The following PPARGC1A variants were observed in gnomAD, a reference collection of about 807,000 sequenced individuals.
PPARGC1A encodes PPARG coactivator 1 alpha, also known as peroxisome proliferator-activated receptor gamma coactivator 1-alpha.
Under a neutral mutation model 88.7 loss-of-function variants are expected in PPARGC1A, and 25 were observed. The observed-to-expected ratio is 0.28, with a 90% CI of 0.21 to 0.39. The LOEUF is 0.39. PPARGC1A is among the 10% of genes least tolerant of loss of function. The probability of loss-of-function intolerance (pLI) is 1.00; values close to 1 mark genes in which losing one functional copy is unlikely to be tolerated. For synonymous variants in PPARGC1A, 363 were observed against 355.6 expected, an observed-to-expected ratio of 1.02 and a Z score of -0.24; for missense variants, 880 against 968.7, an observed-to-expected ratio of 0.91 and a Z score of 1.22.
the PPARGC1A span, among the ~76,000 whole-genome samples, chr4:23,928,034 C>A: frequency 3.9e-5 from 6 of 152,076 alleles, no homozygotes; most frequent in African/African-American, 1.4e-4. Context: ...AGGGCCTGGG[C>A]AGCAGCTAGT....
At chr4:23,859,523 T>G (rs1229365342) in intron 2 of PPARGC1A, among the ~76,000 whole-genome samples, 2 of 152,180 alleles carry the variant, frequency 1.3e-5, no homozygotes, top group Non-Finnish European at 2.9e-5. Flanking sequence ...GGCTCACGCC[T>G]GTAATCCCAG....
chr4:24,443,789 C>T, the PPARGC1A span, among the ~76,000 whole-genome samples: 5 of 149,860 alleles, frequency 3.3e-5, no homozygotes, highest in African/African-American at 1.2e-4. Flanking sequence ...CTCCTGACCT[C>T]GTGATCCGCC....
At chr4:24,419,857 A>G in the PPARGC1A span, among the ~76,000 whole-genome samples, 3 of 152,226 alleles carry the variant, frequency 2.0e-5, no homozygotes, top group African/African-American at 7.2e-5. Context: ...TTTCATGTCC[A>G]AATGCATCCT....
chr4:23,808,844 C>G (rs1342397222), intron 10 of PPARGC1A, among the ~76,000 whole-genome samples: 2 of 152,100 alleles, frequency 1.3e-5, no homozygotes, highest in Admixed American at 1.3e-4. Flanking sequence ...GTTTATAGAT[C>G]TCCTAAAACA....
the PPARGC1A span, among the ~76,000 whole-genome samples, chr4:24,038,507 A>T: frequency 6.6e-6 from 1 of 152,182 alleles, no homozygotes; most frequent in Non-Finnish European, 1.5e-5. Flanking sequence ...TCCTGAGTCT[A>T]ACCCTCCAAG....
the PPARGC1A span, among the ~76,000 whole-genome samples, chr4:24,429,104 C>G: frequency 6.6e-6 from 1 of 152,168 alleles, no homozygotes; most frequent in Non-Finnish European, 1.5e-5. Flanking sequence ...CTGGCCTGAG[C>G]AGGCACTGGG....
rs1717411703 is a variant in PPARGC1A, at chr4:23,795,457, C to T, written c.*365G>A. 1 of 174,046 alleles carries T rather than the reference C, an allele frequency of 5.7e-6. No individual in the cohort carries two copies. The highest frequency in any genetic ancestry group is 1.2e-5 in the Non-Finnish European group (1 of 83,438). 10.8% of individuals were successfully genotyped at this position (174,046 alleles called of 1,614,324 possible). A position where few individuals can be genotyped will look rare whatever the true frequency, so the allele number is the denominator to read the frequency against. On this transcript the variant is annotated 3_prime_UTR_variant, in exon 13 of 13. Transcript: ENST00000264867. ...CAGGTGCCCCCAGTCCTCACATGTA[C>T]CCACACATACTTCCCCTAAACCAAG...
chr4:24,177,619 T>TAAAA, the PPARGC1A span, among the ~76,000 whole-genome samples: 1,231 of 124,928 alleles, frequency 9.9e-3, 32 homozygotes, highest in African/African-American at 0.035. Context: ...TCAAGTATAA[T>TAAAA]TAAATAAATA....
At chr4:23,873,280 G>A (rs1386285807) in intron 2 of PPARGC1A, among the ~76,000 whole-genome samples, 3 of 151,316 alleles carry the variant, frequency 2.0e-5, no homozygotes, top group African/African-American at 7.3e-5. Flanking sequence ...AAAGAAAAGT[G>A]TTGGTAATAA....
the PPARGC1A span, among the ~76,000 whole-genome samples, chr4:23,977,227 C>T: frequency 2.0e-5 from 3 of 152,144 alleles, no homozygotes; most frequent in Admixed American, 2.0e-4. Context: ...GAAGAGTTCA[C>T]CTCTCTCCGG....
chr4:23,843,943 C>T (rs1161606235), intron 2 of PPARGC1A, among the ~76,000 whole-genome samples: 1 of 151,856 alleles, frequency 6.6e-6, no homozygotes, highest in African/African-American at 2.4e-5. Flanking sequence ...CATAAGTATA[C>T]ATATATACAT....
chr4:23,916,955 C>T, the PPARGC1A span, among the ~76,000 whole-genome samples: 1 of 152,170 alleles, frequency 6.6e-6, no homozygotes, highest in Non-Finnish European at 1.5e-5. Context: ...CACAAATGAA[C>T]TACTGAGTCA....
At chr4:24,467,443 G>A in the PPARGC1A span, among the ~76,000 whole-genome samples, 1 of 152,138 alleles carries the variant, frequency 6.6e-6, no homozygotes, top group African/African-American at 2.4e-5. Flanking sequence ...TTGAGGTATT[G>A]GCTATCTAAC....
At chr4:24,299,103 C>T in the PPARGC1A span, among the ~76,000 whole-genome samples, 2 of 152,102 alleles carry the variant, frequency 1.3e-5, no homozygotes, top group South Asian at 2.1e-4. Context: ...AAAACCAATG[C>T]ACAAATACTG....
chr4:23,867,937 G>A (rs1712381798), intron 2 of PPARGC1A, among the ~76,000 whole-genome samples: 1 of 152,234 alleles, frequency 6.6e-6, no homozygotes, highest in South Asian at 2.1e-4. Flanking sequence ...TGAATCCATT[G>A]AGAGGGTCAA....
chr4:23,886,843 G>C (rs988961219), intron 1 of PPARGC1A, among the ~76,000 whole-genome samples: 5 of 131,538 alleles, frequency 3.8e-5, no homozygotes, highest in African/African-American at 1.1e-4. Context: ...GGATTTTATA[G>C]GGGCATAGTC....
At chr4:24,244,649 C>T in the PPARGC1A span, among the ~76,000 whole-genome samples, 4 of 152,198 alleles carry the variant, frequency 2.6e-5, no homozygotes, top group African/African-American at 9.6e-5. Flanking sequence ...CCAGGGACAA[C>T]ATGGCTTCCC....
the PPARGC1A span, among the ~76,000 whole-genome samples, chr4:24,462,993 T>C: frequency 2.6e-5 from 4 of 151,930 alleles, no homozygotes; most frequent in African/African-American, 7.3e-5. Context: ...AAAGTCTCCA[T>C]AGCGTTCACC....
the PPARGC1A span, among the ~76,000 whole-genome samples, chr4:24,432,989 A>G: frequency 6.6e-6 from 1 of 152,170 alleles, no homozygotes; most frequent in African/African-American, 2.4e-5. Flanking sequence ...TTTTCAGACG[A>G]GACCCTAAAC....
Sources: gnomAD v4.1 joint callset for allele counts (sites outside exome capture counted in the v4.1 genomes callset) on GRCh38, gnomAD v4.1.1 for gene constraint, MANE v1.5 for transcripts, NCBI Gene and HGNC (gene_info 2026-07-23, HGNC 2026-07-21) for gene names.